Variants in MYT1L observed in about 807,000 individuals in gnomAD.
MYT1L encodes the protein myelin transcription factor 1 like.
In MYT1L, 12 loss-of-function variants were observed where a neutral mutation model predicts 126.7. That is an observed-to-expected ratio of 0.09 (90% CI 0.06 to 0.15). The LOEUF is 0.15. Ranked by LOEUF, MYT1L falls within the 10% of genes least tolerant of loss-of-function variation. MYT1L has a pLI of 1.00. For synonymous variants in MYT1L, 541 were observed against 604.2 expected (o/e 0.90, Z 1.53); for missense variants, 979 against 1,585.2 (o/e 0.62, Z 6.49).
chr2:2,132,135 CTGATCTCA>C (rs60117213), intron 3 of MYT1L, among the ~76,000 whole-genome samples: 5,412 of 151,908 alleles, frequency 0.036, 130 homozygotes, highest in South Asian at 0.093. Context: ...TCTCGATCTC[CTGATCTCA>C]TGATCTGCCC....
intron 2 of MYT1L, among the ~76,000 whole-genome samples, chr2:2,207,960 C>A (rs947248533): frequency 1.3e-5 from 2 of 152,154 alleles, no homozygotes; most frequent in African/African-American, 2.4e-5. Flanking sequence ...TACTGGGGCC[C>A]CCTATTGTCC....
intron 9 of MYT1L, among the ~76,000 whole-genome samples, chr2:1,926,628 T>C (rs1573635524): frequency 2.0e-5 from 3 of 152,212 alleles, no homozygotes; most frequent in Non-Finnish European, 4.4e-5. Context: ...AGTGGTGCGA[T>C]CTGAGCTCAC....
chr2:2,097,952 G>C (rs1366437854), intron 3 of MYT1L, among the ~76,000 whole-genome samples: 2 of 152,196 alleles, frequency 1.3e-5, no homozygotes. Context: ...TGTAAGATCT[G>C]GTTGTGTAAA....
At chr2:2,291,640 C>T (rs1466284792) in intron 1 of MYT1L, among the ~76,000 whole-genome samples, 2 of 152,192 alleles carry the variant, frequency 1.3e-5, no homozygotes, top group Non-Finnish European at 2.9e-5. Flanking sequence ...GGTTCTGAGT[C>T]CCGGCGCCGT....
intron 10 of MYT1L, among the ~76,000 whole-genome samples, chr2:1,918,327 A>G (rs895538565): frequency 2.6e-5 from 4 of 152,236 alleles, no homozygotes; most frequent in African/African-American, 9.6e-5. Flanking sequence ...AGTGTGCAAA[A>G]CACTGTATTT....
chr2:2,143,444 A>T (rs977249441), intron 3 of MYT1L, among the ~76,000 whole-genome samples: 3 of 152,086 alleles, frequency 2.0e-5, no homozygotes, highest in African/African-American at 7.2e-5. Flanking sequence ...ACATGGCCAC[A>T]CTTCCTGCAA....
intron 3 of MYT1L, among the ~76,000 whole-genome samples, chr2:2,107,984 C>T (rs1054994070): frequency 1.3e-5 from 2 of 152,154 alleles, no homozygotes; most frequent in African/African-American, 4.8e-5. Flanking sequence ...TCATTAGAGT[C>T]AATATCTAAG....
intron 8 of MYT1L, among the ~76,000 whole-genome samples, chr2:1,970,812 T>C (rs2059759994): frequency 6.6e-6 from 1 of 152,252 alleles, no homozygotes; most frequent in African/African-American, 2.4e-5. Context: ...AAATTTCTTC[T>C]GTGTATTCTG....
chr2:1,919,871 G>A (rs920960117), intron 10 of MYT1L, among the ~76,000 whole-genome samples: 2 of 152,132 alleles, frequency 1.3e-5, no homozygotes, highest in Non-Finnish European at 2.9e-5. Flanking sequence ...TGGGACTACA[G>A]GCGCCCACCA....
intron 21 of MYT1L, among the ~76,000 whole-genome samples, chr2:1,837,494 T>C (rs1331883081): frequency 6.6e-6 from 1 of 152,184 alleles, no homozygotes; most frequent in Non-Finnish European, 1.5e-5. Context: ...CTGTCAAAAT[T>C]TTAAAGCTAG....
chr2:1,813,983 C>A (rs1302372659), intron 21 of MYT1L, among the ~76,000 whole-genome samples: 1 of 137,940 alleles, frequency 7.2e-6, no homozygotes, highest in Non-Finnish European at 1.6e-5. Flanking sequence ...GCCGAGATCG[C>A]GCCACTGCAC....
intron 2 of MYT1L, among the ~76,000 whole-genome samples, chr2:2,205,742 T>C (rs2093288536): frequency 6.6e-6 from 1 of 152,168 alleles, no homozygotes; most frequent in African/African-American, 2.4e-5. Context: ...AGAGCAATGC[T>C]ACAGGGTTGA....
chr2:2,262,545 T>C (rs1362978630), intron 2 of MYT1L, among the ~76,000 whole-genome samples: 1 of 151,680 alleles, frequency 6.6e-6, no homozygotes, highest in Non-Finnish European at 1.5e-5. Context: ...ACAAAAAAAT[T>C]AGCCGGGCAT....
At chr2:2,149,198 T>C (rs906295794) in intron 3 of MYT1L, among the ~76,000 whole-genome samples, 1 of 152,190 alleles carries the variant, frequency 6.6e-6, no homozygotes, top group African/African-American at 2.4e-5. Context: ...TTCAATAACA[T>C]ATAAAAATCA....
At chr2:2,098,015 T>C (rs566250238) in intron 3 of MYT1L, among the ~76,000 whole-genome samples, 177 of 152,318 alleles carry the variant, frequency 1.2e-3, no homozygotes, top group South Asian at 2.7e-3. Flanking sequence ...CATATAGAAA[T>C]GCCTGTTTCT....
In MYT1L at chr2:2,110,264, CTATAA is replaced by C. The variant is rs1559040047; in HGVS notation, c.-303-56146_-303-56142del. On this transcript the variant is annotated intron_variant, in intron 3 of 24. Transcript: ENST00000647738. The stretch of plus-strand genomic sequence containing the variant: ...ACATACAGTGCTCCAGTACCTCCTA[CTATAA>C]TATAATATAGAATATAATATAGGTC... Among the ~76,000 whole-genome samples, 6 of 152,148 alleles carry C rather than the reference CTATAA, an allele frequency of 3.9e-5. No homozygotes were observed. The South Asian group carries it at 1.2e-3, about 32-fold the overall frequency.
chr2:1,834,081 A>G (rs539766061), intron 21 of MYT1L, among the ~76,000 whole-genome samples: 2 of 152,258 alleles, frequency 1.3e-5, no homozygotes, highest in Non-Finnish European at 2.9e-5. Context: ...GCAGTTCTTC[A>G]TCATCTGGCT....
chr2:2,246,664 G>C (rs889965991), intron 2 of MYT1L, among the ~76,000 whole-genome samples: 1 of 152,152 alleles, frequency 6.6e-6, no homozygotes, highest in Non-Finnish European at 1.5e-5. Flanking sequence ...AATTCACAAT[G>C]CCTAAGTGAA....
At chr2:1,796,986 G>C (rs145653656) in intron 23 of MYT1L, among the ~76,000 whole-genome samples, 1 of 152,184 alleles carries the variant, frequency 6.6e-6, no homozygotes, top group African/African-American at 2.4e-5. Flanking sequence ...CCCTGGGGCC[G>C]AGGGCAAGCT....
Sources: allele counts gnomAD v4.1 joint callset (sites outside exome capture counted in the v4.1 genomes callset), GRCh38; gene constraint gnomAD v4.1.1; transcripts MANE v1.5; gene names NCBI Gene and HGNC (gene_info 2026-07-23, HGNC 2026-07-21).